Variants in ARHGEF3 observed in about 807,000 individuals in gnomAD.
The protein encoded by ARHGEF3 is 59.8 kDA protein.
In ARHGEF3, 28 loss-of-function variants were observed where a neutral mutation model predicts 63.2. The observed-to-expected ratio is 0.44, with a 90% CI of 0.33 to 0.61. The LOEUF (loss-of-function observed/expected upper bound fraction) is 0.61. Among genes scored for constraint, ARHGEF3 ranks in the 20% least tolerant of loss-of-function variants. The pLI is 0.03. For synonymous variants in ARHGEF3, 266 were observed against 254.2 expected, an observed-to-expected ratio of 1.05 and a Z score of -0.44; for missense variants, 533 against 659.3, an observed-to-expected ratio of 0.81 and a Z score of 2.10.
chr3:56,753,368 C>T, intron 4 of ARHGEF3, 136 bp downstream of exon 4: 1 of 716,162 alleles, frequency 1.4e-6, no homozygotes, highest in Non-Finnish European at 2.3e-6. Context: ...GAAACACTTT[C>T]CCCACTGCTT....
chr3:57,050,072 G>T (rs1022319432), intron 1 of ARHGEF3, among the ~76,000 whole-genome samples: 2 of 152,084 alleles, frequency 1.3e-5, no homozygotes, highest in African/African-American at 2.4e-5. Context: ...GACCTGCAAG[G>T]TGTCCTCCAT....
At chr3:56,808,903 G>C (rs572182989) in intron 4 of ARHGEF3, among the ~76,000 whole-genome samples, 1 of 152,262 alleles carries the variant, frequency 6.6e-6, no homozygotes, top group East Asian at 1.9e-4. Flanking sequence ...CCATAACAAA[G>C]AATTAGCAGG....
intron 2 of ARHGEF3, among the ~76,000 whole-genome samples, chr3:57,027,098 G>GAC (rs1455685636): frequency 6.6e-6 from 1 of 152,204 alleles, no homozygotes; most frequent in Non-Finnish European, 1.5e-5. Context: ...ACTGATAAGA[G>GAC]ACTAATGCCA....
At chr3:56,743,677 C>G (rs1229163391) in intron 7 of ARHGEF3, among the ~76,000 whole-genome samples, 2 of 152,214 alleles carry the variant, frequency 1.3e-5, no homozygotes, top group Non-Finnish European at 2.9e-5. Context: ...AAACCCCTAT[C>G]TGGGAGGAAA....
At chr3:56,805,419 G>C (rs533099194), upstream of ARHGEF3, among the ~76,000 whole-genome samples, 21 of 152,156 alleles carry the variant, frequency 1.4e-4, no homozygotes, top group African/African-American at 4.3e-4. Context: ...ATTTTTTGTA[G>C]AGATGAGGTT....
At chr3:57,007,951 G>A (rs1463327436) in intron 2 of ARHGEF3, among the ~76,000 whole-genome samples, 3 of 152,210 alleles carry the variant, frequency 2.0e-5, no homozygotes, top group East Asian at 1.9e-4. Context: ...ACCTTTTCCC[G>A]GCAGGGCTGC....
At chr3:56,965,029 G>T (rs975805372) in intron 2 of ARHGEF3, among the ~76,000 whole-genome samples, 6 of 152,118 alleles carry the variant, frequency 3.9e-5, no homozygotes, top group Non-Finnish European at 8.8e-5. Context: ...AAGGAAGGAG[G>T]ATCGCTTGAG....
chr3:56,832,908 C>T lies in ARHGEF3; in HGVS notation c.192+49384G>A, dbSNP rs193173555. Among the ~76,000 whole-genome samples, 429 of 152,312 alleles carry T rather than the reference C, an allele frequency of 2.8e-3. 2 individuals are homozygous for T. The highest frequency in any genetic ancestry group is 9.9e-3 in the African/African-American group (413 of 41,578). On this transcript the variant is annotated intron_variant, in intron 4 of 12. Transcript: ENST00000338458. ...GACCTTTTGTTTCTCACTTATTTTG[C>T]TTGGCATAGCGTGTCTAAGGTTCAT...
chr3:56,984,063 T>C (rs762527134), intron 2 of ARHGEF3, among the ~76,000 whole-genome samples: 15 of 152,114 alleles, frequency 9.9e-5, no homozygotes, highest in Non-Finnish European at 2.1e-4. Flanking sequence ...GGCACCTTTT[T>C]GTAGGGAAAT....
At chr3:56,973,728 C>T (rs968213221) in intron 2 of ARHGEF3, among the ~76,000 whole-genome samples, 1 of 152,020 alleles carries the variant, frequency 6.6e-6, no homozygotes, top group African/African-American at 2.4e-5. Flanking sequence ...AAAGCAGAGA[C>T]CCCTGGTGAC....
At chr3:56,943,638 G>C (rs981282007) in intron 3 of ARHGEF3, among the ~76,000 whole-genome samples, 6 of 152,146 alleles carry the variant, frequency 3.9e-5, no homozygotes, top group Non-Finnish European at 5.9e-5. Context: ...CTTTAGGTCA[G>C]GCACAGTGGT....
At chr3:56,732,977 G>T (rs544627549) in intron 8 of ARHGEF3, among the ~76,000 whole-genome samples, 1 of 151,634 alleles carries the variant, frequency 6.6e-6, no homozygotes, top group Non-Finnish European at 1.5e-5. Context: ...GTGAAACCCC[G>T]TCTCTATTAA....
At chr3:56,992,381 A>AAAAAC in intron 2 of ARHGEF3, among the ~76,000 whole-genome samples, 1 of 58,496 alleles carries the variant, frequency 1.7e-5, no homozygotes, top group Non-Finnish European at 2.9e-5. Context: ...GCTTTAAAAA[A>AAAAAC]AAAAAAAAAA....
chr3:57,017,067 A>ACACACAC (rs1553807014), intron 2 of ARHGEF3, among the ~76,000 whole-genome samples: 52 of 123,976 alleles, frequency 4.2e-4, no homozygotes, highest in Non-Finnish European at 8.1e-4. Flanking sequence ...CACACACACG[A>ACACACAC]GTCACCAAAC....
At chr3:57,035,477 T>C (rs140877553) in intron 1 of ARHGEF3, among the ~76,000 whole-genome samples, 6,272 of 152,266 alleles carry the variant, frequency 0.041, 183 homozygotes, top group Middle Eastern at 0.078. Context: ...GCCTCCCGAG[T>C]AGCTGAGTTT....
intron 2 of ARHGEF3, among the ~76,000 whole-genome samples, chr3:56,762,791 G>C (rs1474006663): frequency 1.3e-5 from 2 of 152,192 alleles, no homozygotes; most frequent in East Asian, 3.8e-4. Flanking sequence ...TGTTGCCACT[G>C]CGGTGGGTTA....
intron 2 of ARHGEF3, among the ~76,000 whole-genome samples, chr3:56,762,120 C>T (rs543818535): frequency 1.3e-5 from 2 of 152,290 alleles, no homozygotes; most frequent in East Asian, 3.9e-4. Context: ...AAAACACCTC[C>T]AGACATTGCC....
intron 2 of ARHGEF3, among the ~76,000 whole-genome samples, chr3:57,013,071 T>A (rs1702773691): frequency 6.6e-6 from 1 of 152,090 alleles, no homozygotes; most frequent in Non-Finnish European, 1.5e-5. Context: ...TGCGCCACAC[T>A]CGAATTCTCG....
intron 2 of ARHGEF3, among the ~76,000 whole-genome samples, chr3:56,989,314 A>G (rs1309547190): frequency 6.6e-6 from 1 of 151,992 alleles, no homozygotes; most frequent in South Asian, 2.1e-4. Flanking sequence ...CTGGTGCACT[A>G]GAAATGGCCC....
Sources: gnomAD v4.1 joint callset for allele counts (sites outside exome capture counted in the v4.1 genomes callset) on GRCh38, gnomAD v4.1.1 for gene constraint, MANE v1.5 for transcripts, NCBI Gene and HGNC (gene_info 2026-07-23, HGNC 2026-07-21) for gene names.